ASIC2: variants seen among roughly 807,000 people sequenced by gnomAD.
The protein encoded by ASIC2 is acid sensing ion channel subunit 2.
Under a neutral mutation model 57.3 loss-of-function variants are expected in ASIC2, and 25 were observed. The observed-to-expected ratio is 0.44, with a 90% confidence interval of 0.32 to 0.61. ASIC2 has a LOEUF of 0.61. ASIC2 is among the 20% of genes least tolerant of loss of function. The probability of loss-of-function intolerance (pLI) is 0.06; values close to 1 mark genes in which losing one functional copy is unlikely to be tolerated. For synonymous variants in ASIC2, 319 were observed against 307.5 expected, an observed-to-expected ratio of 1.04 and a Z score of -0.39; for missense variants, 641 against 738.1, an observed-to-expected ratio of 0.87 and a Z score of 1.52.
chr17:33,115,583 G>A (rs372865085), intron 1 of ASIC2, among the ~76,000 whole-genome samples: 5 of 152,164 alleles, frequency 3.3e-5, no homozygotes, highest in East Asian at 1.9e-4. Context: ...GTTCTGGCGC[G>A]CTTTGCCTGG....
At chr17:33,321,957 A>G (rs1906889185) in intron 1 of ASIC2, among the ~76,000 whole-genome samples, 1 of 152,224 alleles carries the variant, frequency 6.6e-6, no homozygotes, top group Admixed American at 6.5e-5. Context: ...GGTAACATCC[A>G]GTCTCAGTCT....
chr17:33,015,061 G>A (rs1431875916), intron 9 of ASIC2, among the ~76,000 whole-genome samples: 5 of 152,174 alleles, frequency 3.3e-5, no homozygotes, highest in East Asian at 1.9e-4. Context: ...CCCCACTTCC[G>A]TTCCACAGAG....
chr17:33,091,458 C>A (rs922750094), intron 2 of ASIC2, among the ~76,000 whole-genome samples: 4 of 152,142 alleles, frequency 2.6e-5, no homozygotes, highest in African/African-American at 4.8e-5. Flanking sequence ...GCCGTGTGTG[C>A]CTGCTATACA....
chr17:33,232,656 A>G (rs1908151278), intron 1 of ASIC2, among the ~76,000 whole-genome samples: 2 of 152,218 alleles, frequency 1.3e-5, no homozygotes, highest in Non-Finnish European at 2.9e-5. Flanking sequence ...TAAATTGTCA[A>G]TCCTACAACC....
At chr17:33,770,454 CTTG>C (rs963758381) in intron 1 of ASIC2, among the ~76,000 whole-genome samples, 38 of 152,222 alleles carry the variant, frequency 2.5e-4, no homozygotes, top group Admixed American at 2.0e-4. Flanking sequence ...TTTTGTTGTT[CTTG>C]TTGTTGTTTT....
At chr17:33,073,210 C>A (rs972759606) in intron 3 of ASIC2, among the ~76,000 whole-genome samples, 2 of 152,116 alleles carry the variant, frequency 1.3e-5, no homozygotes, top group Non-Finnish European at 2.9e-5. Context: ...TTCTTAAAAG[C>A]TTGGAAAATA....
intron 1 of ASIC2, among the ~76,000 whole-genome samples, chr17:33,752,804 G>A (rs1910475408): frequency 1.3e-5 from 2 of 152,212 alleles, no homozygotes; most frequent in African/African-American, 4.8e-5. Context: ...ATCACCAGAT[G>A]CTGGTGAGGA....
chr17:33,760,520 A>ATGTG (rs141652333), intron 1 of ASIC2, among the ~76,000 whole-genome samples: 2 of 150,726 alleles, frequency 1.3e-5, no homozygotes, highest in Non-Finnish European at 3.0e-5. Flanking sequence ...AAAGCTATAT[A>ATGTG]TGTGTGTGTG....
At chr17:33,451,270 G>A (rs1356400190) in intron 1 of ASIC2, among the ~76,000 whole-genome samples, 4 of 151,980 alleles carry the variant, frequency 2.6e-5, no homozygotes, top group Non-Finnish European at 5.9e-5. Context: ...TGCCCAGGCT[G>A]GTCTCTAACT....
chr17:33,659,892 AAATAAAT>A (rs1398424757), intron 1 of ASIC2, among the ~76,000 whole-genome samples: 1 of 148,328 alleles, frequency 6.7e-6, no homozygotes, highest in Non-Finnish European at 1.5e-5. Flanking sequence ...ATAAATAAAT[AAATAAAT>A]AAATAAATAA....
At chr17:33,272,373 T>C (rs772706797) in intron 1 of ASIC2, among the ~76,000 whole-genome samples, 6 of 152,236 alleles carry the variant, frequency 3.9e-5, no homozygotes, top group African/African-American at 7.2e-5. Context: ...TGTAGTCCAA[T>C]GCTAACAGGA....
intron 1 of ASIC2, among the ~76,000 whole-genome samples, chr17:33,422,157 T>C (rs1911065960): frequency 6.6e-6 from 1 of 152,240 alleles, no homozygotes; most frequent in Non-Finnish European, 1.5e-5. Flanking sequence ...TCTGTAGGCA[T>C]GCCATTTTAA....
intron 1 of ASIC2, among the ~76,000 whole-genome samples, chr17:33,329,069 A>T (rs886430191): frequency 6.7e-6 from 1 of 150,346 alleles, no homozygotes; most frequent in Non-Finnish European, 1.5e-5. Flanking sequence ...AAAAAAGCTC[A>T]GAATTCAAGG....
At chr17:33,148,387 A>C (rs1050740516) in intron 1 of ASIC2, among the ~76,000 whole-genome samples, 6 of 152,246 alleles carry the variant, frequency 3.9e-5, no homozygotes, top group Admixed American at 3.9e-4. Context: ...AGGTCACCCA[A>C]CTTCACATTT....
Position 33,918,981 on chromosome 17 carries a change from C to A in ASIC2, c.555+236997G>T, listed in dbSNP as rs1915649583. Among the ~76,000 whole-genome samples the A allele has an allele frequency of 2.0e-5, 3 of 152,182 alleles. No individual in the cohort carries two copies. In the South Asian group the frequency reaches 6.2e-4, roughly 31 times the overall value. On this transcript the variant is annotated intron_variant, in intron 1 of 9. Coordinates refer to the ASIC2 transcript ENST00000359872. ...CTCAGGGTCGTGATGGGCAGTCTATCTCTCCTGCTTTGTGATGACCTGGGG... is the reference window on the plus strand; with the variant it reads ...CTCAGGGTCGTGATGGGCAGTCTATATCTCCTGCTTTGTGATGACCTGGGG...
Position 33,942,988 on chromosome 17 carries a change from G to A in ASIC2, c.555+212990C>T, listed in dbSNP as rs539824758. 4.6e-5 allele frequency among the ~76,000 whole-genome samples: 7 copies of A among 152,286 alleles called. No homozygotes were observed. The East Asian group carries it at 1.4e-3, about 29-fold the overall frequency. The stretch of plus-strand genomic sequence containing the variant: ...AACTTTGCAAAAGATCTTAGAAGGT[G>A]TAAGTTCCGACCTTTTATCTTCCAA... On this transcript the variant is annotated intron_variant, in intron 1 of 9. Transcript: ENST00000359872.
At chr17:33,617,674 T>A (rs1905650804) in intron 1 of ASIC2, among the ~76,000 whole-genome samples, 1 of 152,228 alleles carries the variant, frequency 6.6e-6, no homozygotes, top group Non-Finnish European at 1.5e-5. Context: ...TGCTTCTTTA[T>A]AATTAGCTTA....
At chr17:33,491,816 G>A (rs894356433) in intron 1 of ASIC2, among the ~76,000 whole-genome samples, 5 of 152,172 alleles carry the variant, frequency 3.3e-5, no homozygotes, top group Non-Finnish European at 7.3e-5. Context: ...AGCCTGCTGC[G>A]CTTAAGAGGG....
chr17:33,495,803 G>A (rs781002789), intron 1 of ASIC2, among the ~76,000 whole-genome samples: 1 of 152,174 alleles, frequency 6.6e-6, no homozygotes, highest in Non-Finnish European at 1.5e-5. Flanking sequence ...GTAGAGAAAG[G>A]CACAACATCC....
Sources: gnomAD v4.1 joint callset for allele counts (sites outside exome capture counted in the v4.1 genomes callset) on GRCh38, gnomAD v4.1.1 for gene constraint, MANE v1.5 for transcripts, NCBI Gene and HGNC (gene_info 2026-07-23, HGNC 2026-07-21) for gene names.